PHACTR1: variants seen among roughly 807,000 people sequenced by gnomAD.
PHACTR1 encodes the protein phosphatase and actin regulator 1.
Under a neutral mutation model 69.2 loss-of-function variants are expected in PHACTR1, and 16 were observed. That is an observed-to-expected ratio of 0.23 (90% CI 0.16 to 0.35). PHACTR1 has a LOEUF of 0.35. Ranked by LOEUF, PHACTR1 falls within the 10% of genes least tolerant of loss-of-function variation. The probability of loss-of-function intolerance (pLI) is 1.00; values close to 1 mark genes in which losing one functional copy is unlikely to be tolerated. For missense variants in PHACTR1, 510 were observed against 734.7 expected (o/e 0.69, Z 3.54); for synonymous variants, 312 against 284.5 (o/e 1.10, Z -0.97).
intron 6 of PHACTR1, among the ~76,000 whole-genome samples, chr6:13,176,926 T>G (rs1761397015): frequency 6.6e-6 from 1 of 151,958 alleles, no homozygotes; most frequent in Non-Finnish European, 1.5e-5. Context: ...GATTTAGTGG[T>G]GAGCTTACAT....
chr6:12,721,770 C>A (rs577146910), intron 3 of PHACTR1, among the ~76,000 whole-genome samples: 4 of 152,314 alleles, frequency 2.6e-5, no homozygotes, highest in Admixed American at 2.0e-4. Context: ...CTCCCCTTTG[C>A]ACAGATTCCA....
intron 4 of PHACTR1, among the ~76,000 whole-genome samples, chr6:12,856,898 G>C (rs747848133): frequency 7.9e-5 from 12 of 152,164 alleles, no homozygotes; most frequent in African/African-American, 2.7e-4. Context: ...TGAACAATTT[G>C]CCTGCAGAAA....
At chr6:13,096,978 A>T (rs1814368475) in intron 5 of PHACTR1, among the ~76,000 whole-genome samples, 1 of 152,238 alleles carries the variant, frequency 6.6e-6, no homozygotes, top group South Asian at 2.1e-4. Context: ...TTTTAAATGT[A>T]TAGTGAATAA....
intron 4 of PHACTR1, among the ~76,000 whole-genome samples, chr6:13,011,413 A>G (rs1030490430): frequency 1.3e-5 from 2 of 152,234 alleles, no homozygotes; most frequent in African/African-American, 4.8e-5. Flanking sequence ...ATCCTCAAAC[A>G]AGAGAAATGA....
chr6:12,947,341 C>CT lies in PHACTR1; in HGVS notation c.251-106009dup, dbSNP rs35334406. On this transcript the variant is annotated intron_variant, in intron 4 of 14. Coordinates refer to ENST00000332995, the MANE Select transcript of PHACTR1 (RefSeq NM_030948.6). ...AACCTGAAGAAACATAACTATTCTG[C>CT]TTTTTTTTTTTTTTTCTGTGATGAC... Among the ~76,000 whole-genome samples, 132 of 142,382 alleles carry CT rather than the reference C, an allele frequency of 9.3e-4. 1 individual carries two copies. Among genetic ancestry groups the CT allele is most frequent in the East Asian group, 1.7e-3 (8 of 4,832 alleles). 93.4% of individuals were successfully genotyped at this position (142,382 alleles called of 152,430 possible).
chr6:12,822,904 G>T (rs111563422), intron 4 of PHACTR1, among the ~76,000 whole-genome samples: 1 of 152,154 alleles, frequency 6.6e-6, no homozygotes, highest in Non-Finnish European at 1.5e-5. Context: ...GGACAATGCC[G>T]TTTGATTTTA....
chr6:12,756,802 C>T (rs1230820368), intron 4 of PHACTR1, among the ~76,000 whole-genome samples: 2 of 152,140 alleles, frequency 1.3e-5, no homozygotes, highest in Non-Finnish European at 2.9e-5. Context: ...ATGGAAAGGC[C>T]ATTATTGCCA....
chr6:13,026,501 C>A (rs1252089842), intron 4 of PHACTR1, among the ~76,000 whole-genome samples: 1 of 152,062 alleles, frequency 6.6e-6, no homozygotes, highest in East Asian at 1.9e-4. Context: ...AGACTTTTCA[C>A]AAACAAAAAA....
chr6:12,979,921 T>C (rs1174521770), intron 4 of PHACTR1, among the ~76,000 whole-genome samples: 1 of 152,170 alleles, frequency 6.6e-6, no homozygotes, highest in Non-Finnish European at 1.5e-5. Context: ...AAGACCTGCT[T>C]TTCACCCAGA....
chr6:12,737,625 C>G (rs1003626045), intron 3 of PHACTR1, among the ~76,000 whole-genome samples: 2 of 145,280 alleles, frequency 1.4e-5, no homozygotes, highest in Non-Finnish European at 1.5e-5. Context: ...GACAGGGTCT[C>G]TCTCTGTCAC....
chr6:12,755,810 A>G (rs146770635), intron 4 of PHACTR1, among the ~76,000 whole-genome samples: 5 of 152,294 alleles, frequency 3.3e-5, no homozygotes, highest in Non-Finnish European at 5.9e-5. Context: ...ACGGGTATGT[A>G]AGATCTATAT....
chr6:13,002,540 CA>C (rs1322530890), intron 4 of PHACTR1, among the ~76,000 whole-genome samples: 1 of 152,104 alleles, frequency 6.6e-6, no homozygotes, highest in Non-Finnish European at 1.5e-5. Context: ...AGGAAAAGGC[CA>C]AACTCTTTCT....
intron 10 of PHACTR1, chr6:13,252,971 T>C (rs1243393943): frequency 4.7e-6 from 2 of 429,490 alleles, no homozygotes; most frequent in African/African-American, 4.0e-5. Flanking sequence ...TAGCATGAGA[T>C]CTCATCTGAA....
intron 4 of PHACTR1, among the ~76,000 whole-genome samples, chr6:12,774,137 T>C (rs1769738504): frequency 6.6e-6 from 1 of 152,356 alleles, no homozygotes; most frequent in Non-Finnish European, 1.5e-5. Context: ...ATATCATGGA[T>C]ACATAGTTTG....
At chr6:12,936,599 C>T (rs1013975819) in intron 4 of PHACTR1, among the ~76,000 whole-genome samples, 2 of 152,180 alleles carry the variant, frequency 1.3e-5, no homozygotes, top group Non-Finnish European at 2.9e-5. Context: ...ATTTTAGATC[C>T]AAGCACATGT....
rs77383720 is a variant in PHACTR1 at position 12,965,589 on chromosome 6, A to G, written c.251-87776A>G. Among the ~76,000 whole-genome samples the G allele has an allele frequency of 9.1e-3, 1,379 of 152,176 alleles. 18 individuals carry two copies. The highest frequency in any genetic ancestry group is 0.031 in the African/African-American group (1,290 of 41,516). ...GTGACGAGCTTTATGGAGAACATACAGTGAGCGTGGCTCAGGCATGAGTGA... is the reference window on the plus strand; with the variant it reads ...GTGACGAGCTTTATGGAGAACATACGGTGAGCGTGGCTCAGGCATGAGTGA... On this transcript the variant is annotated intron_variant, in intron 4 of 14. Coordinates refer to ENST00000332995, the MANE Select transcript of PHACTR1 (RefSeq NM_030948.6).
At chr6:12,856,158 T>C (rs1378075886) in intron 4 of PHACTR1, among the ~76,000 whole-genome samples, 1 of 152,168 alleles carries the variant, frequency 6.6e-6, no homozygotes, top group Non-Finnish European at 1.5e-5. Flanking sequence ...AGTAGAATTG[T>C]TTGGTCCATT....
chr6:12,862,026 T>C (rs1780994418), intron 4 of PHACTR1, among the ~76,000 whole-genome samples: 1 of 152,174 alleles, frequency 6.6e-6, no homozygotes, highest in African/African-American at 2.4e-5. Flanking sequence ...ATAATTTATA[T>C]GTTAGTGGAA....
intron 7 of PHACTR1, among the ~76,000 whole-genome samples, chr6:13,190,196 G>GTTTTGTTTTTTTTTTT (rs1220683843): frequency 9.4e-5 from 3 of 31,850 alleles, no homozygotes; most frequent in African/African-American, 3.1e-4. Flanking sequence ...GCTAATTTTT[G>GTTTTGTTTTTTTTTTT]TATTTTTTTT....
Sources: gnomAD v4.1 joint callset for allele counts (sites outside exome capture counted in the v4.1 genomes callset) on GRCh38, gnomAD v4.1.1 for gene constraint, MANE v1.5 for transcripts, NCBI Gene and HGNC (gene_info 2026-07-23, HGNC 2026-07-21) for gene names.